SESN2: variants seen among roughly 807,000 people sequenced by gnomAD.
SESN2 encodes the protein sestrin-2.
In SESN2, 42 loss-of-function variants were observed where a neutral mutation model predicts 56.0. The observed-to-expected ratio is 0.75, with a 90% CI of 0.59 to 0.97. SESN2 has a LOEUF of 0.97. Among genes scored for constraint, SESN2 ranks in the 50% least tolerant of loss-of-function variants. The pLI is 0.00. For synonymous variants in SESN2, 264 were observed against 267.1 expected (o/e 0.99, Z 0.11); for missense variants, 507 against 649.4 (o/e 0.78, Z 2.38).
At chr1:28,260,684 C>T (rs1400969274) in intron 1 of SESN2, among the ~76,000 whole-genome samples, 1 of 151,868 alleles carries the variant, frequency 6.6e-6, no homozygotes, top group Non-Finnish European at 1.5e-5. Flanking sequence ...CTCCCCCACC[C>T]TCCCTTCGCG....
rs57474365 is a variant in SESN2 at position 28,276,570 on chromosome 1, CTTTTTTTTTTTTTTTTT to C, written c.1211+1565_1211+1581del. Among the ~76,000 whole-genome samples, 9 of 94,734 alleles carry C rather than the reference CTTTTTTTTTTTTTTTTT, an allele frequency of 9.5e-5. No individual in the cohort carries two copies. The Admixed American group carries it at 9.6e-4, about 10-fold the overall frequency. 62.1% of individuals were successfully genotyped at this position (94,734 alleles called of 152,430 possible). On this transcript the variant is annotated intron_variant, in intron 8 of 9. Coordinates refer to ENST00000253063, the MANE Select transcript of SESN2 (RefSeq NM_031459.5). ...TATCTCCTTCCTGTCTTTTTCTTTCCTTTTTTTTTTTTTTTTTTTTTTTTTTGAGACAGAGTTTCAAT... is the reference window on the plus strand; with the variant it reads ...TATCTCCTTCCTGTCTTTTTCTTTCCTTTTTTTTTGAGACAGAGTTTCAAT...
intron 1 of SESN2, among the ~76,000 whole-genome samples, chr1:28,267,326 C>T (rs1647592749): frequency 1.3e-5 from 2 of 152,178 alleles, no homozygotes; most frequent in Admixed American, 1.3e-4. Flanking sequence ...GGCTACTTTA[C>T]CTACCAGTTT....
At chr1:28,275,574 G>A (rs1201868819) in intron 8 of SESN2, among the ~76,000 whole-genome samples, 5 of 151,882 alleles carry the variant, frequency 3.3e-5, no homozygotes, top group African/African-American at 1.2e-4. Context: ...CCAACATGGT[G>A]AAACCCCGTT....
chr1:28,269,022 CAT>C (rs1177417400), intron 1 of SESN2, among the ~76,000 whole-genome samples, 159 bp from the exon 2 acceptor site: 11 of 152,372 alleles, frequency 7.2e-5, no homozygotes, highest in South Asian at 4.1e-4. Flanking sequence ...CCCTTCCAAA[CAT>C]GTGTATATCT....
At chr1:28,266,893 G>A (rs898883548) in intron 1 of SESN2, among the ~76,000 whole-genome samples, 1 of 152,124 alleles carries the variant, frequency 6.6e-6, no homozygotes, top group Non-Finnish European at 1.5e-5. Context: ...TGTTGTTGTT[G>A]TTATTGCTGA....
rs201831877 is a variant in SESN2, at chr1:28,272,432, A to T, written c.503A>T (p.His168Leu). The T allele has an allele frequency of 6.2e-7, 1 of 1,613,232 alleles. No homozygotes were observed. The highest frequency in any genetic ancestry group is 8.5e-7 in the Non-Finnish European group (1 of 1,180,024). Residue 168 changes from histidine to leucine, a missense_variant, in exon 4 of 10, where the codon CAT becomes CTT. By Grantham distance (99) the His-to-Leu change is moderately conservative. Coordinates refer to ENST00000253063, the MANE Select transcript of SESN2 (RefSeq NM_031459.5). ...KLSEINKLLA[H>L]RPWLITKEHI... ...AGCGAGATCAACAAGTTGCTGGCGCATCGGCCATGGCTCATCACCAAGGAA... is the reference window on the plus strand; with the variant it reads ...AGCGAGATCAACAAGTTGCTGGCGCTTCGGCCATGGCTCATCACCAAGGAA...
At chr1:28,275,596 A>T (rs553158458) in intron 8 of SESN2, among the ~76,000 whole-genome samples, 2 of 151,924 alleles carry the variant, frequency 1.3e-5, no homozygotes, top group East Asian at 1.9e-4. Context: ...TACTAAAAAT[A>T]AAAAAATTAG....
At chr1:28,268,606 A>G (rs1056808465) in intron 1 of SESN2, among the ~76,000 whole-genome samples, 4 of 151,936 alleles carry the variant, frequency 2.6e-5, no homozygotes, top group Non-Finnish European at 5.9e-5. Flanking sequence ...CAGAGGTTGC[A>G]ATGAGCTGAG....
rs1182426775 is a variant in SESN2 at position 28,259,713 on chromosome 1, G to A, written c.-135G>A. On this transcript the variant is annotated 5_prime_UTR_variant, in exon 1 of 10. Coordinates refer to ENST00000253063, the MANE Select transcript of SESN2 (RefSeq NM_031459.5). ...CCGTTCTCGGATTCCGGAGCGTTCT[G>A]GAGCCCCGAGAGACGCCCCGGGGTT... is the stretch of plus-strand genomic sequence containing the variant. 1 of 592,110 alleles carries A rather than the reference G, an allele frequency of 1.7e-6. No homozygotes were observed. Among genetic ancestry groups the A allele is most frequent in the Non-Finnish European group, 2.7e-6 (1 of 367,976 alleles). 36.7% of individuals were successfully genotyped at this position (592,110 alleles called of 1,614,324 possible). A position where few individuals can be genotyped will look rare whatever the true frequency, so the allele number is the denominator to read the frequency against.
At chr1:28,269,154 A>G (rs748410395) in intron 1 of SESN2, 29 bp from the exon 2 acceptor site, 6 of 1,571,126 alleles carry the variant, frequency 3.8e-6, no homozygotes, top group East Asian at 2.3e-5. Context: ...CCCTTCTACT[A>G]CGGACTAACC....
At chr1:28,273,255 C>T (rs1379812812) in intron 5 of SESN2, 103 bp from the exon 6 acceptor site, 2 of 1,187,686 alleles carry the variant, frequency 1.7e-6, no homozygotes, top group South Asian at 1.8e-5. Flanking sequence ...TGCCCTGGGC[C>T]TTTGTGAGCA....
chr1:28,260,795 G>C (rs1647349572), intron 1 of SESN2, among the ~76,000 whole-genome samples: 1 of 151,256 alleles, frequency 6.6e-6, no homozygotes, highest in African/African-American at 2.4e-5. Flanking sequence ...CTGACAGTTC[G>C]CACTCCCCCA....
intron 8 of SESN2, among the ~76,000 whole-genome samples, chr1:28,278,000 C>T (rs1648109779): frequency 1.3e-5 from 2 of 152,178 alleles, no homozygotes; most frequent in African/African-American, 4.8e-5. Flanking sequence ...GCCAGTCATT[C>T]CTCTGTCTAC....
At position 28,279,225 on chromosome 1, in the gene SESN2, TC is replaced by T; in HGVS notation, c.1342del (p.Arg448AlafsTer8). 1 of 1,614,048 alleles carries T rather than the reference TC, an allele frequency of 6.2e-7. No homozygotes were observed. Among genetic ancestry groups the T allele is most frequent in the African/African-American group, 1.3e-5 (1 of 75,014 alleles). Reference protein sequence around the residue: ...RRMYNLFWRHFRHSEKVHVNL... With the variant: ...RRMYNLFWRHXRHSEKVHVNL... The stretch of plus-strand genomic sequence containing the variant: ...ATGTACAACCTCTTCTGGAGGCACT[TC>T]CGCCACTCAGAGAAGGTATGACCTA... On this transcript the variant is annotated frameshift_variant, in exon 9 of 10. Coordinates refer to ENST00000253063, the MANE Select transcript of SESN2 (RefSeq NM_031459.5). LOFTEE classifies it high-confidence loss of function.
intron 1 of SESN2, among the ~76,000 whole-genome samples, chr1:28,261,494 A>G (rs145313198): frequency 6.8e-4 from 104 of 152,276 alleles, no homozygotes; most frequent in African/African-American, 2.4e-3. Context: ...TGTTGGGAGA[A>G]TTAACTCAGA....
intron 1 of SESN2, among the ~76,000 whole-genome samples, chr1:28,266,768 G>A (rs535918162): frequency 1.9e-3 from 283 of 152,190 alleles, no homozygotes; most frequent in Non-Finnish European, 3.4e-3. Flanking sequence ...GTGTTGCCCA[G>A]GCTGGTCTCG....
chr1:28,263,652 G>T (rs188852016), intron 1 of SESN2, among the ~76,000 whole-genome samples: 28 of 152,134 alleles, frequency 1.8e-4, no homozygotes, highest in Admixed American at 1.3e-3. Context: ...ATGGGTAGTA[G>T]ACAGAACCCT....
Position 28,274,123 on chromosome 1 carries a change from A to C in SESN2, c.985A>C (p.Arg329=). ...PTFGYEDFTR[R]GAQAPPTFRA... is the part of the protein sequence containing the mutation. The stretch of plus-strand genomic sequence containing the variant: ...TTTCGGATATGAGGACTTCACTCGG[A>C]GAGGGGCTCAGGCACCCCCTACCTT... Residue 329 remains arginine (R), a synonymous_variant, in exon 7 of 10, where the codon AGA becomes CGA. Coordinates refer to ENST00000253063, the MANE Select transcript of SESN2 (RefSeq NM_031459.5). The C allele has an allele frequency of 6.2e-7, 1 of 1,613,982 alleles. No homozygotes were observed. The highest frequency in any genetic ancestry group is 1.7e-5 in the Admixed American group (1 of 60,026).
At chr1:28,266,827 G>C (rs1263641406) in intron 1 of SESN2, among the ~76,000 whole-genome samples, 1 of 152,120 alleles carries the variant, frequency 6.6e-6, no homozygotes, top group Non-Finnish European at 1.5e-5. Flanking sequence ...CAACGTGCTG[G>C]GATGAGCTGC....
Sources: gnomAD v4.1 joint callset for allele counts (sites outside exome capture counted in the v4.1 genomes callset) on GRCh38, gnomAD v4.1.1 for gene constraint, MANE v1.5 for transcripts, NCBI Gene and HGNC (gene_info 2026-07-23, HGNC 2026-07-21) for gene names.